IQGAP2: variants seen among roughly 807,000 people sequenced by gnomAD.
IQGAP2 encodes ras GTPase-activating-like protein IQGAP2.
In IQGAP2, 173 loss-of-function variants were observed where a neutral mutation model predicts 201.3. That is an observed-to-expected ratio of 0.86 (90% CI 0.76 to 0.98). The LOEUF (loss-of-function observed/expected upper bound fraction) is 0.98. IQGAP2 is among the 50% of genes least tolerant of loss of function. The probability of loss-of-function intolerance (pLI) is 0.00; values close to 1 mark genes in which losing one functional copy is unlikely to be tolerated. For missense variants in IQGAP2, 1,687 were observed against 1,864.8 expected (o/e 0.90, Z 1.76); for synonymous variants, 675 against 673.9 (o/e 1.00, Z -0.03).
chr5:76,617,467 C>A, intron 13 of IQGAP2: 1 of 742,832 alleles, frequency 1.3e-6, no homozygotes, highest in Admixed American at 2.7e-5. Context: ...AATGTTTGAC[C>A]TTTGAAGCAT....
At chr5:76,455,453 CA>C (rs59978990) in intron 1 of IQGAP2, among the ~76,000 whole-genome samples, 1,420 of 81,138 alleles carry the variant, frequency 0.018, 10 homozygotes, top group South Asian at 0.048. Context: ...GACTCTGTCT[CA>C]AAAAAAAAAA....
chr5:76,612,229 T>C (rs773908180), intron 13 of IQGAP2, among the ~76,000 whole-genome samples: 3 of 152,128 alleles, frequency 2.0e-5, no homozygotes, highest in Non-Finnish European at 2.9e-5. Context: ...ACACCTGTAA[T>C]CCCAGCATTT....
intron 2 of IQGAP2, among the ~76,000 whole-genome samples, chr5:76,537,391 C>G (rs2150214957): frequency 6.6e-6 from 1 of 152,128 alleles, no homozygotes; most frequent in Non-Finnish European, 1.5e-5. Context: ...GAGGGACCCA[C>G]AAGGCCAACT....
chr5:76,507,970 C>T (rs7722629), intron 2 of IQGAP2, among the ~76,000 whole-genome samples: 66,426 of 144,270 alleles, frequency 0.46, 15,353 homozygotes, highest in African/African-American at 0.5. Context: ...GCCACTGCAC[C>T]CCAGCCTGGG....
At chr5:76,700,528 A>G (rs1747278414) in intron 33 of IQGAP2, among the ~76,000 whole-genome samples, 1 of 152,058 alleles carries the variant, frequency 6.6e-6, no homozygotes, top group Non-Finnish European at 1.5e-5. Context: ...CCTCCCCCCA[A>G]AAAAGCAAAG....
chr5:76,683,093 G>T (rs370984652), intron 28 of IQGAP2, 22 bp from the exon 29 acceptor site: 4 of 1,453,814 alleles, frequency 2.8e-6, no homozygotes, highest in Admixed American at 3.7e-5. Flanking sequence ...TTCTTTGTGT[G>T]TGTGTTGCTT....
intron 16 of IQGAP2, among the ~76,000 whole-genome samples, chr5:76,638,334 G>A (rs758565882): frequency 7.2e-5 from 11 of 152,080 alleles, no homozygotes; most frequent in East Asian, 1.9e-4. Context: ...AGCCAAGATC[G>A]CACCATTGCA....
intron 2 of IQGAP2, among the ~76,000 whole-genome samples, chr5:76,480,718 G>C (rs779043081): frequency 6.6e-6 from 1 of 152,204 alleles, no homozygotes; most frequent in African/African-American, 2.4e-5. Context: ...CAGGGGGAAA[G>C]AAGTGAGTTG....
At chr5:76,472,418 TGCTGTGGA>T (rs1354183162) in intron 2 of IQGAP2, among the ~76,000 whole-genome samples, 1 of 152,206 alleles carries the variant, frequency 6.6e-6, no homozygotes, top group Non-Finnish European at 1.5e-5. Flanking sequence ...CCAGGGATTA[TGCTGTGGA>T]GCTAGAATGG....
chr5:76,628,588 A>G (rs988407920), intron 14 of IQGAP2: 2 of 354,926 alleles, frequency 5.6e-6, no homozygotes, highest in Non-Finnish European at 1.1e-5. Flanking sequence ...TCCTAAAAAT[A>G]TATTTCACTA....
At position 76,678,730 on chromosome 5, in the gene IQGAP2, C is replaced by A. The variant is rs75144132; in HGVS notation, c.3660+1380C>A. Among the ~76,000 whole-genome samples, 1,254 of 152,328 alleles carry A rather than the reference C, an allele frequency of 8.2e-3. 3 individuals carry two copies. Among genetic ancestry groups the A allele is most frequent in the Non-Finnish European group, 0.013 (851 of 68,020 alleles). The stretch of plus-strand genomic sequence containing the variant: ...AACCAAAGGGAAAGCATAACAAATA[C>A]ACATTCTCAAAGGTTGTGCTCTAGC... On this transcript the variant is annotated intron_variant, in intron 28 of 35. Transcript: ENST00000274364.
chr5:76,653,583 C>T (rs192146388), intron 18 of IQGAP2, among the ~76,000 whole-genome samples: 1 of 152,174 alleles, frequency 6.6e-6, no homozygotes, highest in Admixed American at 6.5e-5. Flanking sequence ...ATAGGGGGAC[C>T]TCATTTGTAT....
At chr5:76,535,611 G>A (rs1460540600) in intron 2 of IQGAP2, among the ~76,000 whole-genome samples, 1 of 152,216 alleles carries the variant, frequency 6.6e-6, no homozygotes. Flanking sequence ...AATGGCTTGA[G>A]TCAGTCCCTG....
intron 18 of IQGAP2, 45 bp downstream of exon 18, chr5:76,652,878 T>G: frequency 5.0e-6 from 6 of 1,202,560 alleles, no homozygotes; most frequent in Non-Finnish European, 7.4e-6. Flanking sequence ...CTTAAACGTT[T>G]CCCCTCATTT....
In IQGAP2 at chr5:76,708,035, A is replaced by G. The variant is rs1294123870; in HGVS notation, c.*722A>G. ...TTTGAATACTTCAATTGTGCCTCTC[A>G]ATTTTTTGTAATGCTAAAAAATCAG... On this transcript the variant is annotated 3_prime_UTR_variant, in exon 36 of 36. Coordinates refer to ENST00000274364, the MANE Select transcript of IQGAP2 (RefSeq NM_006633.5). 6.6e-6 allele frequency: 1 copy of G among 152,530 alleles called. No homozygotes were observed. The highest frequency in any genetic ancestry group is 1.5e-5 in the Non-Finnish European group (1 of 68,038). The allele number at this position is 152,530 out of a possible 1,614,324, so 9.4% of individuals were successfully genotyped here.
At chr5:76,542,620 T>G (rs1049691250) in intron 2 of IQGAP2, among the ~76,000 whole-genome samples, 4 of 152,270 alleles carry the variant, frequency 2.6e-5, no homozygotes, top group African/African-American at 9.6e-5. Flanking sequence ...TCTTTCCTGA[T>G]AAAATCTGAA....
At chr5:76,606,103 G>T in intron 11 of IQGAP2, 76 bp from the exon 12 acceptor site, 2 of 1,266,420 alleles carry the variant, frequency 1.6e-6, no homozygotes, top group Non-Finnish European at 2.2e-6. Flanking sequence ...GTTTGACCAT[G>T]TGTCATAGTT....
chr5:76,449,648 A>T (rs539197910), intron 1 of IQGAP2, among the ~76,000 whole-genome samples: 105 of 152,340 alleles, frequency 6.9e-4, no homozygotes, highest in African/African-American at 2.3e-3. Flanking sequence ...CTTTGCACCT[A>T]GTGGACCATT....
In IQGAP2 at chr5:76,632,052, A is replaced by C. The variant is rs772761329; in HGVS notation, c.1780+26A>C. 5 of 1,541,968 alleles carry C rather than the reference A, an allele frequency of 3.2e-6. No homozygotes were observed. In the East Asian group the frequency reaches 9.3e-5, roughly 29 times the overall value. ...GTAAGTTGGTTTGTTACTTTAGCAC[A>C]AACTAAGTATTTTAAATATCATTTC... On this transcript the variant is annotated intron_variant, in intron 15 of 35. Coordinates refer to ENST00000274364, the MANE Select transcript of IQGAP2 (RefSeq NM_006633.5).
Sources: allele counts gnomAD v4.1 joint callset (sites outside exome capture counted in the v4.1 genomes callset), GRCh38; gene constraint gnomAD v4.1.1; transcripts MANE v1.5; gene names NCBI Gene and HGNC (gene_info 2026-07-23, HGNC 2026-07-21).